The following LRRC1 variants were observed in gnomAD, a reference collection of about 807,000 sequenced individuals.
The protein encoded by LRRC1 is leucine-rich repeat-containing protein 1.
In LRRC1, 28 loss-of-function variants were observed where a neutral mutation model predicts 69.9. The observed-to-expected ratio is 0.40, with a 90% CI of 0.30 to 0.55. The LOEUF (loss-of-function observed/expected upper bound fraction) is 0.55, where lower values mean the gene tolerates loss of function less well. Among genes scored for constraint, LRRC1 ranks in the 20% least tolerant of loss-of-function variants. LRRC1 has a pLI of 0.47. For synonymous variants in LRRC1, 236 were observed against 240.2 expected (o/e 0.98, Z 0.16); for missense variants, 498 against 609.0 (o/e 0.82, Z 1.92).
At chr6:53,814,334 T>A in intron 1 of LRRC1, among the ~76,000 whole-genome samples, 1 of 152,238 alleles carries the variant, frequency 6.6e-6, no homozygotes, top group South Asian at 2.1e-4. Context: ...TATTTTGCCC[T>A]TAAATTAATC....
At chr6:53,819,897 G>A (rs891370347) in intron 1 of LRRC1, among the ~76,000 whole-genome samples, 21 of 152,128 alleles carry the variant, frequency 1.4e-4, no homozygotes, top group African/African-American at 4.3e-4. Flanking sequence ...GAATATATAT[G>A]TGTACCTATT....
chr6:53,879,970 C>G (rs1458611414), intron 3 of LRRC1, among the ~76,000 whole-genome samples: 2 of 152,136 alleles, frequency 1.3e-5, no homozygotes, highest in Non-Finnish European at 2.9e-5. Context: ...CAGGTGGGTC[C>G]ATTTATAAGA....
chr6:53,897,986 C>T (rs1357630511), intron 7 of LRRC1, among the ~76,000 whole-genome samples: 1 of 152,110 alleles, frequency 6.6e-6, no homozygotes, highest in Non-Finnish European at 1.5e-5. Flanking sequence ...CTGAAACAAA[C>T]AAAACCAACA....
At chr6:53,852,112 T>G (rs1170324225) in intron 2 of LRRC1, among the ~76,000 whole-genome samples, 1 of 152,206 alleles carries the variant, frequency 6.6e-6, no homozygotes, top group Non-Finnish European at 1.5e-5. Context: ...TGCCTCAGTT[T>G]ATTCATCTGT....
intron 1 of LRRC1, among the ~76,000 whole-genome samples, chr6:53,819,305 A>G (rs541985881): frequency 6.6e-6 from 1 of 152,260 alleles, no homozygotes; most frequent in Admixed American, 6.5e-5. Context: ...CATTTATCTT[A>G]TGATCCTTAT....
intron 1 of LRRC1, among the ~76,000 whole-genome samples, chr6:53,800,783 G>A (rs572115325): frequency 3.3e-5 from 5 of 151,892 alleles, no homozygotes; most frequent in African/African-American, 9.7e-5. Context: ...GGGATTACAG[G>A]CGTGTGCCAC....
chr6:53,884,124 G>T (rs1767391716), intron 4 of LRRC1: 1 of 634,054 alleles, frequency 1.6e-6, no homozygotes, highest in Non-Finnish European at 2.8e-6. Context: ...TATGGTATCA[G>T]TTGCAGAGAA....
In LRRC1 at chr6:53,870,842, T is replaced by C. The variant is rs75563949; in HGVS notation, c.278-8151T>C. Among the ~76,000 whole-genome samples the C allele has an allele frequency of 6.6e-3, 1,010 of 152,300 alleles. 10 individuals are homozygous for C. The highest frequency in any genetic ancestry group is 0.023 in the African/African-American group (975 of 41,574). ...TAATCACTATTCAACTTGCTACTTCTATGAGATCAACTTCTTTAGGTTACA... is the reference window on the plus strand; with the variant it reads ...TAATCACTATTCAACTTGCTACTTCCATGAGATCAACTTCTTTAGGTTACA... On this transcript the variant is annotated intron_variant, in intron 2 of 13. Transcript: ENST00000370888.
At chr6:53,900,700 C>A (rs1443574297) in intron 8 of LRRC1, among the ~76,000 whole-genome samples, 2 of 151,956 alleles carry the variant, frequency 1.3e-5, no homozygotes, top group Non-Finnish European at 2.9e-5. Flanking sequence ...GTGCTATTTT[C>A]TTTTAAAAAA....
chr6:53,802,731 A>G lies in LRRC1; in HGVS notation c.159+7316A>G, dbSNP rs78498659. On this transcript the variant is annotated intron_variant, in intron 1 of 13. Coordinates refer to ENST00000370888, the MANE Select transcript of LRRC1 (RefSeq NM_018214.5). ...TTCTGAGTAATATGAATGTATATTT[A>G]TGTTTGTTCTATACTATGAATTTTA... Among the ~76,000 whole-genome samples the G allele has an allele frequency of 8.0e-3, 1,219 of 152,304 alleles. 11 individuals carry two copies. The highest frequency in any genetic ancestry group is 0.027 in the African/African-American group (1,108 of 41,558).
chr6:53,897,685 G>T (rs1006618940), intron 7 of LRRC1, among the ~76,000 whole-genome samples: 6 of 152,148 alleles, frequency 3.9e-5, no homozygotes, highest in Non-Finnish European at 7.3e-5. Flanking sequence ...GATTCTGATG[G>T]TATACCTTTC....
At chr6:53,916,283 T>C (rs145832842) in intron 11 of LRRC1, among the ~76,000 whole-genome samples, 11 of 152,342 alleles carry the variant, frequency 7.2e-5, no homozygotes, top group Admixed American at 7.2e-4. Context: ...TGGTTGTCAA[T>C]TGGGAAATAG....
intron 7 of LRRC1, 38 bp downstream of exon 7, chr6:53,897,397 A>G: frequency 7.2e-7 from 1 of 1,390,132 alleles, no homozygotes; most frequent in Non-Finnish European, 1.0e-6. Context: ...CAAAACATAA[A>G]ACAGCAACAA....
chr6:53,913,644 C>T (rs991801949), intron 10 of LRRC1, among the ~76,000 whole-genome samples: 10 of 152,136 alleles, frequency 6.6e-5, no homozygotes, highest in Non-Finnish European at 1.5e-4. Flanking sequence ...AGAACATGTA[C>T]ATCTAACATT....
chr6:53,816,190 CTATT>C (rs1764946078), intron 1 of LRRC1, among the ~76,000 whole-genome samples: 1 of 152,108 alleles, frequency 6.6e-6, no homozygotes, highest in South Asian at 2.1e-4. Flanking sequence ...TGACACTGGG[CTATT>C]TATTAGGTAT....
At chr6:53,849,575 C>T (rs1250684042) in intron 2 of LRRC1, among the ~76,000 whole-genome samples, 1 of 152,168 alleles carries the variant, frequency 6.6e-6, no homozygotes, top group East Asian at 1.9e-4. Context: ...AGGATGGTAA[C>T]ACCAACATGC....
chr6:53,890,447 G>A (rs909339833), intron 4 of LRRC1, among the ~76,000 whole-genome samples: 1 of 152,066 alleles, frequency 6.6e-6, no homozygotes, highest in Non-Finnish European at 1.5e-5. Flanking sequence ...GCTGCCCTTG[G>A]GAATGGTGAC....
intron 8 of LRRC1, among the ~76,000 whole-genome samples, chr6:53,901,547 TAA>T (rs34098229): frequency 2.8e-5 from 4 of 140,724 alleles, no homozygotes; most frequent in African/African-American, 2.6e-5. Context: ...CCCTGTCTCT[TAA>T]AAAAAAAAAA....
intron 2 of LRRC1, among the ~76,000 whole-genome samples, chr6:53,874,523 T>C (rs570293638): frequency 6.6e-5 from 10 of 152,220 alleles, no homozygotes; most frequent in African/African-American, 2.4e-4. Flanking sequence ...AGGCAGAAAA[T>C]AGTGTGAGGA....
Sources: gnomAD v4.1 joint callset for allele counts (sites outside exome capture counted in the v4.1 genomes callset) on GRCh38, gnomAD v4.1.1 for gene constraint, MANE v1.5 for transcripts, NCBI Gene and HGNC (gene_info 2026-07-23, HGNC 2026-07-21) for gene names.